RAPGEF5: variants seen among roughly 807,000 people sequenced by gnomAD.
RAPGEF5 encodes Rap guanine nucleotide exchange factor 5, also known as M-Ras-regulated GEF.
A neutral mutation model predicts 125.2 loss-of-function variants in RAPGEF5; 65 were observed. The observed-to-expected ratio is 0.52, with a 90% CI of 0.43 to 0.64. RAPGEF5 has a LOEUF of 0.64. RAPGEF5 is among the 30% of genes least tolerant of loss of function. The probability of loss-of-function intolerance (pLI) is 0.00; values close to 1 mark genes in which losing one functional copy is unlikely to be tolerated. For missense variants in RAPGEF5, 958 were observed against 1,048.1 expected, an observed-to-expected ratio of 0.91 and a Z score of 1.19; for synonymous variants, 391 against 385.9, an observed-to-expected ratio of 1.01 and a Z score of -0.16.
At chr7:22,258,102 G>C (rs1011020474) in intron 7 of RAPGEF5, among the ~76,000 whole-genome samples, 7 of 152,028 alleles carry the variant, frequency 4.6e-5, no homozygotes, top group Admixed American at 1.3e-4. Context: ...AATTTTAAGG[G>C]ACACAAAATC....
intron 12 of RAPGEF5, among the ~76,000 whole-genome samples, chr7:22,166,187 A>G (rs1483293351): frequency 6.6e-6 from 1 of 151,130 alleles, no homozygotes; most frequent in East Asian, 1.9e-4. Context: ...TTGGCCTCCC[A>G]AAGTGCTGGA....
chr7:22,177,849 C>A (rs1784555674), intron 11 of RAPGEF5, among the ~76,000 whole-genome samples: 1 of 152,062 alleles, frequency 6.6e-6, no homozygotes, highest in African/African-American at 2.4e-5. Context: ...AATAACCCAT[C>A]CGGTTTAGGG....
At chr7:22,174,110 C>T (rs1223128538) in intron 11 of RAPGEF5, among the ~76,000 whole-genome samples, 1 of 152,054 alleles carries the variant, frequency 6.6e-6, no homozygotes, top group South Asian at 2.1e-4. Flanking sequence ...TCTAAAGCAA[C>T]TGGCAGAGAG....
intron 24 of RAPGEF5, among the ~76,000 whole-genome samples, chr7:22,129,319 G>A (rs912500308): frequency 3.9e-5 from 6 of 152,106 alleles, no homozygotes; most frequent in African/African-American, 9.7e-5. Context: ...GTTCTCCCAC[G>A]GCCCCTTGGA....
rs375158268 is a variant in RAPGEF5, at chr7:22,240,980, T to C, written c.797-10061A>G. ...GCCCCTCCAACAAGCCCCAGAAGCA[T>C]GTGCCATTAGCTCCATTGTCCAGAA... On this transcript the variant is annotated intron_variant, in intron 7 of 25. Transcript: ENST00000665637. Among the ~76,000 whole-genome samples the C allele has an allele frequency of 1.6e-4, 24 of 152,322 alleles. No individual in the cohort carries two copies. The South Asian group carries it at 4.4e-3, about 28-fold the overall frequency.
At chr7:22,191,024 C>T (rs901159714) in intron 11 of RAPGEF5, among the ~76,000 whole-genome samples, 3 of 152,100 alleles carry the variant, frequency 2.0e-5, no homozygotes, top group Non-Finnish European at 2.9e-5. Flanking sequence ...ATCTGTCCTC[C>T]ATATGGTTTA....
intron 9 of RAPGEF5, among the ~76,000 whole-genome samples, chr7:22,217,569 A>G (rs992638802): frequency 2.0e-5 from 3 of 152,226 alleles, no homozygotes; most frequent in Non-Finnish European, 4.4e-5. Context: ...GACTACATCA[A>G]TATCAGCCTT....
intron 1 of RAPGEF5, 91 bp from the exon 2 acceptor site, chr7:22,318,128 C>A: frequency 7.1e-6 from 9 of 1,275,406 alleles, no homozygotes; most frequent in Non-Finnish European, 9.4e-6. Context: ...CCAGGGCAGG[C>A]CTCTGCTATG....
chr7:22,139,816 C>T, intron 21 of RAPGEF5: 1 of 471,348 alleles, frequency 2.1e-6, no homozygotes, highest in Non-Finnish European at 3.9e-6. Context: ...GAGGGGAAGA[C>T]TAATTCTAGC....
chr7:22,301,534 G>T lies in RAPGEF5; in HGVS notation c.680+6805C>A, dbSNP rs1304612593. Among the ~76,000 whole-genome samples, 3 of 149,072 alleles carry T rather than the reference G, an allele frequency of 2.0e-5. No homozygotes were observed. In the Admixed American group the frequency reaches 2.0e-4, roughly 10 times the overall value. ...AGAGGCTGCGGCAGGAGAATGGCGT[G>T]AACCCGGGAGGCGGAGCTTGCAGTA... On this transcript the variant is annotated intron_variant, in intron 5 of 25. Transcript: ENST00000665637.
chr7:22,350,043 T>C (rs1244787205), intron 1 of RAPGEF5, among the ~76,000 whole-genome samples: 5 of 152,236 alleles, frequency 3.3e-5, no homozygotes, highest in Non-Finnish European at 1.5e-5. Flanking sequence ...CATTGATTTT[T>C]ACTATTTTAT....
intron 5 of RAPGEF5, among the ~76,000 whole-genome samples, chr7:22,291,995 G>A (rs1782946636): frequency 6.6e-6 from 1 of 151,970 alleles, no homozygotes; most frequent in Non-Finnish European, 1.5e-5. Flanking sequence ...TCCTAGTTTG[G>A]TCAAAGAAAA....
chr7:22,214,648 C>T (rs915404291), intron 9 of RAPGEF5, among the ~76,000 whole-genome samples: 5 of 152,126 alleles, frequency 3.3e-5, no homozygotes, highest in Non-Finnish European at 7.3e-5. Context: ...ATCTAAGTTA[C>T]GACTGGGCAA....
At chr7:22,147,979 A>T (rs1432416506) in intron 18 of RAPGEF5, among the ~76,000 whole-genome samples, 1 of 152,148 alleles carries the variant, frequency 6.6e-6, no homozygotes, top group East Asian at 1.9e-4. Flanking sequence ...TTTTTTAAAA[A>T]ACCTAATGAC....
intron 7 of RAPGEF5, among the ~76,000 whole-genome samples, chr7:22,255,144 A>T (rs1410717561): frequency 2.0e-5 from 3 of 152,238 alleles, no homozygotes; most frequent in Non-Finnish European, 4.4e-5. Context: ...GCTTGAATAC[A>T]GGATTATAAG....
At chr7:22,220,342 C>T in intron 8 of RAPGEF5, 1 of 179,182 alleles carries the variant, frequency 5.6e-6, no homozygotes, top group Non-Finnish European at 1.2e-5. Flanking sequence ...GTTAAAAACT[C>T]ATGGGAAAGT....
chr7:22,291,334 T>G (rs2302002), intron 5 of RAPGEF5, 93 bp from the exon 6 acceptor site: 331,146 of 1,438,348 alleles, frequency 0.23, 42,705 homozygotes, highest in East Asian at 0.55. Flanking sequence ...ATAATGTCAT[T>G]GTTATTATAT....
chr7:22,301,571 T>C (rs1344405013), intron 5 of RAPGEF5, among the ~76,000 whole-genome samples: 11 of 136,366 alleles, frequency 8.1e-5, no homozygotes, highest in Non-Finnish European at 1.1e-4. Context: ...GCCGAGATCG[T>C]GCCACTGCAC....
intron 7 of RAPGEF5, among the ~76,000 whole-genome samples, chr7:22,238,354 G>A (rs1786244018): frequency 6.6e-6 from 1 of 152,152 alleles, no homozygotes; most frequent in South Asian, 2.1e-4. Flanking sequence ...ATTGTAAATT[G>A]ACAAATTGTA....
Sources: allele counts gnomAD v4.1 joint callset (sites outside exome capture counted in the v4.1 genomes callset), GRCh38; gene constraint gnomAD v4.1.1; transcripts MANE v1.5; gene names NCBI Gene and HGNC (gene_info 2026-07-23, HGNC 2026-07-21).